The following UNC13C variants were observed in gnomAD, a reference collection of about 807,000 sequenced individuals.
UNC13C encodes the protein protein unc-13 homolog C.
Under a neutral mutation model 245.4 loss-of-function variants are expected in UNC13C, and 174 were observed. The observed-to-expected ratio is 0.71, with a 90% CI of 0.63 to 0.80. UNC13C has a LOEUF of 0.80. Ranked by LOEUF, UNC13C falls within the 30% of genes least tolerant of loss-of-function variation. UNC13C has a pLI of 0.00. For missense variants in UNC13C, 2,829 were observed against 2,602.9 expected (o/e 1.09, Z -1.89); for synonymous variants, 992 against 895.1 (o/e 1.11, Z -1.93).
intron 20 of UNC13C, among the ~76,000 whole-genome samples, chr15:54,497,863 C>G (rs1894025791): frequency 6.6e-6 from 1 of 152,066 alleles, no homozygotes; most frequent in South Asian, 2.1e-4. Flanking sequence ...TTGAAGGTCT[C>G]TGCCCTAGAA....
chr15:53,913,842 G>C, the UNC13C span: 1 of 152,224 alleles, frequency 6.6e-6, no homozygotes, highest in Non-Finnish European at 1.5e-5. Context: ...TGTAGGCAGG[G>C]AGCTACTGCT....
At chr15:54,049,078 C>T (rs2141049063) in intron 2 of UNC13C, 1 of 374,614 alleles carries the variant, frequency 2.7e-6, no homozygotes, top group South Asian at 2.4e-5. Flanking sequence ...ATGAAAGTGA[C>T]TTTTCTATCA....
chr15:54,309,473 T>C (rs1314119008), intron 13 of UNC13C, among the ~76,000 whole-genome samples: 2 of 151,970 alleles, frequency 1.3e-5, no homozygotes, highest in African/African-American at 4.8e-5. Context: ...ACTTTGTTGA[T>C]TGTTTCCTTT....
chr15:54,157,482 C>A (rs2032798686), intron 4 of UNC13C, among the ~76,000 whole-genome samples: 1 of 152,038 alleles, frequency 6.6e-6, no homozygotes, highest in Non-Finnish European at 1.5e-5. Context: ...AAAGGTAAAT[C>A]CTTGCTCATG....
chr15:54,428,657 A>G (rs556418020), intron 19 of UNC13C, among the ~76,000 whole-genome samples: 3 of 151,678 alleles, frequency 2.0e-5, no homozygotes, highest in Non-Finnish European at 4.4e-5. Context: ...AGAATCTGTC[A>G]TGTGGAAGGT....
At chr15:54,418,763 T>C (rs2040573821) in intron 19 of UNC13C, among the ~76,000 whole-genome samples, 1 of 152,168 alleles carries the variant, frequency 6.6e-6, no homozygotes, top group South Asian at 2.1e-4. Context: ...GAAATGAAGC[T>C]AATTAGCATC....
At chr15:54,539,365 A>G (rs1896137779) in intron 26 of UNC13C, among the ~76,000 whole-genome samples, 1 of 152,070 alleles carries the variant, frequency 6.6e-6, no homozygotes, top group Non-Finnish European at 1.5e-5. Context: ...AGAAAAGCAG[A>G]AGAAAGGAGA....
At chr15:54,007,296 C>A (rs1895182179) in intron 1 of UNC13C, among the ~76,000 whole-genome samples, 1 of 151,976 alleles carries the variant, frequency 6.6e-6, no homozygotes, top group Non-Finnish European at 1.5e-5. Context: ...TAGGATTAAG[C>A]AAATAACAGT....
chr15:54,015,747 A>G lies in UNC13C; in HGVS notation c.2844A>G (p.Arg948=), dbSNP rs1481639557. The G allele has an allele frequency of 6.2e-7, 1 of 1,613,164 alleles. No individual in the cohort carries two copies. The highest frequency in any genetic ancestry group is 1.3e-5 in the African/African-American group (1 of 74,904). The change falls in exon 2 of 33, where the codon AGA becomes AGG. Residue 948 remains arginine, a synonymous_variant. Transcript: ENST00000260323. Reference sequence around the variant, plus strand: ...AAACATCAGCTGAGATGGAAATAAGAGAAGATGAAAACCAAAACATTCCTG... The same window carrying G: ...AAACATCAGCTGAGATGGAAATAAGGGAAGATGAAAACCAAAACATTCCTG... ...LNETSAEMEI[R]EDENQNIPEQ...
intron 2 of UNC13C, among the ~76,000 whole-genome samples, chr15:54,076,180 C>T (rs1224157155): frequency 3.4e-5 from 5 of 146,948 alleles, no homozygotes; most frequent in Admixed American, 2.0e-4. Context: ...CATATGTATA[C>T]ATGTGCCATG....
At chr15:54,365,094 G>A (rs580687) in intron 17 of UNC13C, among the ~76,000 whole-genome samples, 69,440 of 151,494 alleles carry the variant, frequency 0.46, 16,184 homozygotes, top group East Asian at 0.69. Flanking sequence ...AGAACTCCCC[G>A]TCAGATCTGC....
intron 2 of UNC13C, among the ~76,000 whole-genome samples, chr15:54,054,663 T>C (rs567387724): frequency 3.3e-5 from 5 of 152,306 alleles, no homozygotes; most frequent in African/African-American, 9.6e-5. Context: ...CTACTGGTTT[T>C]ATAATGTACT....
intron 30 of UNC13C, among the ~76,000 whole-genome samples, chr15:54,583,011 C>G (rs780565029): frequency 3.3e-5 from 5 of 152,054 alleles, no homozygotes; most frequent in African/African-American, 4.8e-5. Context: ...ACAGATTGCT[C>G]GGTTACACTC....
chr15:53,937,758 C>A, the UNC13C span, among the ~76,000 whole-genome samples: 4 of 149,496 alleles, frequency 2.7e-5, no homozygotes, highest in South Asian at 6.5e-4. Flanking sequence ...GAATTTCTAA[C>A]CCAGAATTTT....
intron 18 of UNC13C, among the ~76,000 whole-genome samples, chr15:54,399,949 G>A (rs2040147852): frequency 6.6e-6 from 1 of 151,902 alleles, no homozygotes; most frequent in Non-Finnish European, 1.5e-5. Flanking sequence ...TTATGAAAGT[G>A]TTTATCCTAC....
intron 1 of UNC13C, among the ~76,000 whole-genome samples, chr15:54,001,124 A>T (rs1461674384): frequency 1.3e-5 from 2 of 152,184 alleles, no homozygotes; most frequent in African/African-American, 4.8e-5. Context: ...GTGATAGTTC[A>T]TGACAGGTTT....
rs769120877 is a variant in UNC13C at position 54,015,366 on chromosome 15, G to T, written c.2463G>T (p.Gly821=). 6.2e-7 allele frequency: 1 copy of T among 1,613,828 alleles called. No homozygotes were observed. The highest frequency in any genetic ancestry group is 1.1e-5 in the South Asian group (1 of 91,078). Residue 821 remains glycine (G), a synonymous_variant, in exon 2 of 33, where the codon GGG becomes GGT. Coordinates refer to ENST00000260323, the MANE Select transcript of UNC13C (RefSeq NM_001080534.3). ...VWNKSTQSLS[G]YEDSGSSLMG... is the part of the protein sequence containing the mutation. ...ACAAAAGCACACAGAGTCTGAGTGG[G>T]TATGAGGACAGTGGCTCTTCATTAA...
intron 10 of UNC13C, among the ~76,000 whole-genome samples, chr15:54,282,943 T>A (rs1265924692): frequency 6.6e-6 from 1 of 152,130 alleles, no homozygotes; most frequent in East Asian, 1.9e-4. Flanking sequence ...CAGGATGGTG[T>A]GTGCATGCTG....
At chr15:54,387,723 A>G (rs1596314020) in intron 17 of UNC13C, among the ~76,000 whole-genome samples, 1 of 152,186 alleles carries the variant, frequency 6.6e-6, no homozygotes, top group Admixed American at 6.6e-5. Context: ...ATCATATGAG[A>G]GCTATCTAGT....
Sources: gnomAD v4.1 joint callset for allele counts (sites outside exome capture counted in the v4.1 genomes callset) on GRCh38, gnomAD v4.1.1 for gene constraint, MANE v1.5 for transcripts, NCBI Gene and HGNC (gene_info 2026-07-23, HGNC 2026-07-21) for gene names.